ATG16L1: variants seen among roughly 807,000 people sequenced by gnomAD.
The protein encoded by ATG16L1 is autophagy-related protein 16-1.
A neutral mutation model predicts 88.5 loss-of-function variants in ATG16L1; 37 were observed. The ratio of observed to expected loss-of-function variants is 0.42; its 90% CI spans 0.32 to 0.55. The LOEUF is 0.55. Among genes scored for constraint, ATG16L1 ranks in the 20% least tolerant of loss-of-function variants. The pLI is 0.13. For missense variants in ATG16L1, 554 were observed against 752.8 expected (o/e 0.74, Z 3.09); for synonymous variants, 301 against 281.0 (o/e 1.07, Z -0.71).
rs1435869378 is a variant in ATG16L1, at chr2:233,277,689, A to T, written c.1060+16A>T. The T allele has an allele frequency of 6.2e-7, 1 of 1,607,574 alleles. No homozygotes were observed. Reference sequence around the variant, plus strand: ...GTATTTGGAGGTGAGAGCCTGCTGCATGTTCTCAGACTGAAAACTTGAGAT... The same window carrying T: ...GTATTTGGAGGTGAGAGCCTGCTGCTTGTTCTCAGACTGAAAACTTGAGAT... On this transcript the variant is annotated intron_variant, in intron 10 of 17. Transcript: ENST00000392017.
In ATG16L1 at chr2:233,292,369, C is replaced by G. The variant is rs1388019869; in HGVS notation, c.1581-18C>G. On this transcript the variant is annotated intron_variant, in intron 15 of 17. Transcript: ENST00000392017. ...GGCCTGAGCTCCCTCAGTGACAGTG[C>G]CCTGTTGTTTGTTTCAGTGCACCTG... The G allele has an allele frequency of 6.2e-7, 1 of 1,614,026 alleles. No homozygotes were observed. Among genetic ancestry groups the G allele is most frequent in the Admixed American group, 1.7e-5 (1 of 60,024 alleles).
intron 1 of ATG16L1, among the ~76,000 whole-genome samples, chr2:233,253,332 G>GTTTTTTTTTTTTTTTTTTTTTTTT (rs570754671): frequency 1.8e-5 from 2 of 112,888 alleles, no homozygotes; most frequent in Non-Finnish European, 3.6e-5. Context: ...GTGAGACTGG[G>GTTTTTTTTTTTTTTTTTTTTTTTT]TTTTTTTGTT....
chr2:233,252,161 T>C (rs1471101505), intron 1 of ATG16L1, among the ~76,000 whole-genome samples: 1 of 152,256 alleles, frequency 6.6e-6, no homozygotes, highest in Non-Finnish European at 1.5e-5. Context: ...ACGATCTTTG[T>C]GGGGAGGCAC....
chr2:233,255,190 T>G (rs1195065439), intron 1 of ATG16L1, among the ~76,000 whole-genome samples: 2 of 152,164 alleles, frequency 1.3e-5, no homozygotes, highest in Non-Finnish European at 2.9e-5. Context: ...GTTCTCGAAC[T>G]CCTGACCTCA....
intron 3 of ATG16L1, among the ~76,000 whole-genome samples, chr2:233,263,436 A>G (rs896027234): frequency 8.5e-5 from 13 of 152,178 alleles, no homozygotes; most frequent in East Asian, 3.8e-4. Flanking sequence ...CAGAAGGGCA[A>G]TCCTGTGAGA....
At chr2:233,256,693 CTTT>C (rs1175941099) in intron 2 of ATG16L1, among the ~76,000 whole-genome samples, 1 of 140,470 alleles carries the variant, frequency 7.1e-6, no homozygotes, top group Non-Finnish European at 1.6e-5. Flanking sequence ...TTTTCTTTTT[CTTT>C]TTTTTTTTTT....
chr2:233,260,128 C>G (rs1007206839), intron 2 of ATG16L1, among the ~76,000 whole-genome samples: 2 of 152,200 alleles, frequency 1.3e-5, no homozygotes, highest in African/African-American at 4.8e-5. Flanking sequence ...TCCTGCCTGT[C>G]TCATCCTAAT....
At chr2:233,271,442 C>CTAA (rs1436414915) in intron 6 of ATG16L1, among the ~76,000 whole-genome samples, 1 of 152,190 alleles carries the variant, frequency 6.6e-6, no homozygotes, top group African/African-American at 2.4e-5. Context: ...CCACGCCCAG[C>CTAA]TAATTTTGTA....
intron 12 of ATG16L1, among the ~76,000 whole-genome samples, chr2:233,287,072 C>T (rs1213329648): frequency 2.0e-5 from 3 of 152,148 alleles, no homozygotes; most frequent in African/African-American, 7.2e-5. Flanking sequence ...ATGTTCACTG[C>T]AACAGCATCT....
chr2:233,289,091 A>T, intron 12 of ATG16L1: 1 of 337,734 alleles, frequency 3.0e-6, no homozygotes, highest in Non-Finnish European at 5.9e-6. Context: ...AGGCTTTAAA[A>T]ATTCTTTAAT....
At chr2:233,252,265 A>T (rs1696427846) in intron 1 of ATG16L1, among the ~76,000 whole-genome samples, 1 of 152,238 alleles carries the variant, frequency 6.6e-6, no homozygotes, top group Non-Finnish European at 1.5e-5. Flanking sequence ...GGTCATGTTA[A>T]TGAAACGGTC....
At chr2:233,258,016 AATATCT>A (rs1284504626) in intron 2 of ATG16L1, among the ~76,000 whole-genome samples, 1 of 51,900 alleles carries the variant, frequency 1.9e-5, no homozygotes, top group African/African-American at 5.3e-5. Flanking sequence ...AAAAAAAAAA[AATATCT>A]ATATATCTAT....
chr2:233,263,146 A>G lies in ATG16L1; in HGVS notation c.226A>G (p.Thr76Ala). 1 of 1,614,092 alleles carries G rather than the reference A, an allele frequency of 6.2e-7. No homozygotes were observed. Among genetic ancestry groups the G allele is most frequent in the Non-Finnish European group, 8.5e-7 (1 of 1,180,012 alleles). The part of the protein sequence containing the change: ...RHEISPGHDG[T>A]WNDNQLQEMA... ...CCAATTTAGTCCCGGACATGATGGC[A>G]CATGGAATGACAATCAGCTACAAGA... Residue 76 changes from threonine to alanine, a missense_variant, in exon 3 of 18, where the codon ACA (threonine) becomes GCA (alanine). This residue lies in a region of ATG16L1 where 101 missense variants were observed against 107.0 expected (regional missense o/e 0.94). Coordinates refer to ENST00000392017, the MANE Select transcript of ATG16L1 (RefSeq NM_030803.7).
intron 1 of ATG16L1, 67 bp downstream of exon 1, chr2:233,252,009 C>G (rs1696404789): frequency 1.5e-6 from 2 of 1,369,346 alleles, no homozygotes; most frequent in Non-Finnish European, 1.9e-6. Flanking sequence ...GGGGCGTCAG[C>G]GGGAACCTGA....
intron 5 of ATG16L1, among the ~76,000 whole-genome samples, chr2:233,268,164 A>T (rs1190816778): frequency 6.6e-6 from 1 of 152,124 alleles, no homozygotes; most frequent in Non-Finnish European, 1.5e-5. Flanking sequence ...GCTTCATAAG[A>T]TGCACTCAGG....
In ATG16L1 at chr2:233,254,998, C is replaced by T. The variant is rs1296658036; in HGVS notation, c.116-1104C>T. Among the ~76,000 whole-genome samples the T allele has an allele frequency of 4.6e-5, 7 of 151,964 alleles. No individual in the cohort carries two copies. In the South Asian group the frequency reaches 1.0e-3, roughly 23 times the overall value. Reference sequence around the variant, plus strand: ...ATTTATTTATTTATTTATTTAGAGACAGTCTCACTCTGTCGCCCAGGCTGG... The same window carrying T: ...ATTTATTTATTTATTTATTTAGAGATAGTCTCACTCTGTCGCCCAGGCTGG... On this transcript the variant is annotated intron_variant, in intron 1 of 17. Transcript: ENST00000392017.
intron 6 of ATG16L1, among the ~76,000 whole-genome samples, chr2:233,271,721 A>G (rs1698008353): frequency 6.6e-6 from 1 of 152,276 alleles, no homozygotes; most frequent in Admixed American, 6.5e-5. Context: ...ACTTAAAACC[A>G]TAAAATTCTA....
intron 12 of ATG16L1, among the ~76,000 whole-genome samples, chr2:233,287,801 C>T (rs1264284084): frequency 1.3e-5 from 2 of 152,186 alleles, no homozygotes; most frequent in African/African-American, 2.4e-5. Flanking sequence ...TCACTTAAAC[C>T]TGGGAGGCGG....
intron 8 of ATG16L1, chr2:233,274,154 C>T: frequency 8.5e-7 from 1 of 1,172,238 alleles, no homozygotes; most frequent in African/African-American, 1.5e-5. Flanking sequence ...AACGAGGATG[C>T]TTTGCATGTT....
Sources: allele counts gnomAD v4.1 joint callset (sites outside exome capture counted in the v4.1 genomes callset), GRCh38; gene constraint gnomAD v4.1.1; regional missense constraint gnomAD v4.1.1; transcripts MANE v1.5; gene names NCBI Gene and HGNC (gene_info 2026-07-23, HGNC 2026-07-21).